The following TLE4 variants were observed in gnomAD, a reference collection of about 807,000 sequenced individuals.
TLE4 encodes the protein transducin-like enhancer protein 4.
In TLE4, 8 loss-of-function variants were observed where a neutral mutation model predicts 92.8. The observed-to-expected ratio is 0.09, with a 90% CI of 0.05 to 0.16. TLE4 has a LOEUF of 0.16. Among genes scored for constraint, TLE4 ranks in the 10% least tolerant of loss-of-function variants. The pLI, the probability that TLE4 is intolerant of heterozygous loss-of-function variation, is 1.00. For synonymous variants in TLE4, 371 were observed against 374.1 expected, an observed-to-expected ratio of 0.99 and a Z score of 0.10; for missense variants, 675 against 997.6, an observed-to-expected ratio of 0.68 and a Z score of 4.36.
At chr9:79,690,328 A>C (rs576926803) in intron 8 of TLE4, among the ~76,000 whole-genome samples, 1 of 152,314 alleles carries the variant, frequency 6.6e-6, no homozygotes, top group South Asian at 2.1e-4. Flanking sequence ...CTAATGCCTC[A>C]TTATGCTCTT....
intron 8 of TLE4, among the ~76,000 whole-genome samples, chr9:79,674,409 C>A (rs2062914153): frequency 6.6e-6 from 1 of 152,108 alleles, no homozygotes; most frequent in Non-Finnish European, 1.5e-5. Context: ...TCTTCAGAGC[C>A]CATGCTCATT....
intron 12 of TLE4, 111 bp downstream of exon 12, chr9:79,708,361 T>A: frequency 7.6e-7 from 1 of 1,311,076 alleles, no homozygotes; most frequent in South Asian, 1.4e-5. Flanking sequence ...TGAATGGCTG[T>A]TAGACAAAGT....
intron 6 of TLE4, among the ~76,000 whole-genome samples, chr9:79,642,863 G>A (rs1464803321): frequency 6.6e-6 from 1 of 152,154 alleles, no homozygotes; most frequent in Non-Finnish European, 1.5e-5. Flanking sequence ...GAGGACTACA[G>A]AGATCTGTGG....
At chr9:79,585,158 G>C (rs1447687912) in intron 4 of TLE4, among the ~76,000 whole-genome samples, 1 of 152,154 alleles carries the variant, frequency 6.6e-6, no homozygotes, top group Non-Finnish European at 1.5e-5. Flanking sequence ...TAACGTTGTT[G>C]AAAGAATAGT....
chr9:79,662,200 A>G (rs1450413297), intron 8 of TLE4, among the ~76,000 whole-genome samples: 1 of 152,204 alleles, frequency 6.6e-6, no homozygotes, highest in Non-Finnish European at 1.5e-5. Context: ...AGCATGAGGA[A>G]TTCTTTTTCA....
At chr9:79,602,768 C>T (rs1029152916) in intron 4 of TLE4, among the ~76,000 whole-genome samples, 3 of 152,070 alleles carry the variant, frequency 2.0e-5, no homozygotes, top group African/African-American at 7.2e-5. Flanking sequence ...TTAAGATTTA[C>T]TATTTAAGAA....
intron 4 of TLE4, among the ~76,000 whole-genome samples, chr9:79,609,908 A>G (rs563983779): frequency 2.0e-5 from 3 of 152,212 alleles, no homozygotes; most frequent in Non-Finnish European, 2.9e-5. Flanking sequence ...CTGATTAACC[A>G]TGTGATTCAA....
chr9:79,708,822 C>A, intron 13 of TLE4, 36 bp downstream of exon 13: 1 of 1,572,372 alleles, frequency 6.4e-7, no homozygotes. Context: ...TATTTTAGCA[C>A]ACGGAGGATT....
chr9:79,696,519 G>A (rs2068299418), intron 8 of TLE4, among the ~76,000 whole-genome samples: 1 of 151,864 alleles, frequency 6.6e-6, no homozygotes, highest in East Asian at 1.9e-4. Context: ...CTTTGTTCCT[G>A]TTGTATTACC....
chr9:79,681,997 T>G (rs1185444316), intron 8 of TLE4, among the ~76,000 whole-genome samples: 1 of 152,040 alleles, frequency 6.6e-6, no homozygotes, highest in Admixed American at 6.6e-5. Context: ...ACCTCACTGG[T>G]GTCTCATGTA....
At chr9:79,599,771 C>T (rs2045107964) in intron 4 of TLE4, among the ~76,000 whole-genome samples, 1 of 152,192 alleles carries the variant, frequency 6.6e-6, no homozygotes, top group Admixed American at 6.5e-5. Flanking sequence ...ATGTTTTTAG[C>T]CACTTCTCAA....
intron 11 of TLE4, chr9:79,707,342 A>G (rs959982189): frequency 2.4e-5 from 19 of 785,256 alleles, no homozygotes; most frequent in Admixed American, 1.5e-4. Context: ...ACAAAAGTCT[A>G]TCTTGACTTA....
chr9:79,694,607 A>G (rs982104221), intron 8 of TLE4, among the ~76,000 whole-genome samples: 2 of 152,282 alleles, frequency 1.3e-5, no homozygotes, highest in Admixed American at 6.5e-5. Flanking sequence ...GATACTAATA[A>G]TGCTTTATGT....
intron 6 of TLE4, among the ~76,000 whole-genome samples, chr9:79,650,236 T>C (rs1418618814): frequency 6.6e-6 from 1 of 152,120 alleles, no homozygotes; most frequent in African/African-American, 2.4e-5. Context: ...TTTGGTCTAA[T>C]GTAATAGATA....
chr9:79,574,208 C>A, intron 2 of TLE4: 1 of 152,356 alleles, frequency 6.6e-6, no homozygotes, highest in Non-Finnish European at 1.4e-5. Flanking sequence ...TGAGCGATTT[C>A]ATTACTTTTA....
intron 18 of TLE4, 50 bp downstream of exon 18, chr9:79,722,651 C>A: frequency 6.3e-7 from 1 of 1,595,624 alleles, no homozygotes. Flanking sequence ...TTGCTCCTTC[C>A]CCCTTCCTGT....
At chr9:79,599,502 G>T (rs980879647) in intron 4 of TLE4, among the ~76,000 whole-genome samples, 7 of 152,190 alleles carry the variant, frequency 4.6e-5, no homozygotes, top group African/African-American at 1.4e-4. Flanking sequence ...GACAAGCTCA[G>T]TGTTTCCCAC....
chr9:79,640,456 C>T (rs537357209), intron 6 of TLE4, among the ~76,000 whole-genome samples: 1 of 151,564 alleles, frequency 6.6e-6, no homozygotes, highest in Non-Finnish European at 1.5e-5. Flanking sequence ...CTTCATTTAA[C>T]ATATAAGTTT....
intron 5 of TLE4, among the ~76,000 whole-genome samples, chr9:79,624,961 G>C (rs913041948): frequency 2.0e-5 from 3 of 151,056 alleles, no homozygotes; most frequent in African/African-American, 7.3e-5. Flanking sequence ...ACTTAAGTGT[G>C]GTCCTTTGTT....
Sources: allele counts gnomAD v4.1 joint callset (sites outside exome capture counted in the v4.1 genomes callset), GRCh38; gene constraint gnomAD v4.1.1; transcripts MANE v1.5; gene names NCBI Gene and HGNC (gene_info 2026-07-23, HGNC 2026-07-21).